Variants in MYO16 observed in about 807,000 individuals in gnomAD.
The protein encoded by MYO16 is unconventional myosin-XVI.
In MYO16, 94 loss-of-function variants were observed where a neutral mutation model predicts 205.3. The ratio of observed to expected loss-of-function variants is 0.46; its 90% CI spans 0.39 to 0.54. The LOEUF is 0.54. Ranked by LOEUF, MYO16 falls within the 20% of genes least tolerant of loss-of-function variation. The pLI, the probability that MYO16 is intolerant of heterozygous loss-of-function variation, is 0.00. For synonymous variants in MYO16, 988 were observed against 954.0 expected, an observed-to-expected ratio of 1.04 and a Z score of -0.66; for missense variants, 2,315 against 2,387.5, an observed-to-expected ratio of 0.97 and a Z score of 0.63.
At chr13:108,990,225 T>G (rs1007524431) in intron 20 of MYO16, among the ~76,000 whole-genome samples, 2 of 151,830 alleles carry the variant, frequency 1.3e-5, no homozygotes, top group Non-Finnish European at 2.9e-5. Context: ...TCAGCATCAT[T>G]GTTAGCACTG....
At chr13:109,007,413 A>G (rs1320376853) in intron 21 of MYO16, among the ~76,000 whole-genome samples, 1 of 152,058 alleles carries the variant, frequency 6.6e-6, no homozygotes, top group Non-Finnish European at 1.5e-5. Context: ...AAAAAAAGAA[A>G]TGTGCACATT....
intron 11 of MYO16, among the ~76,000 whole-genome samples, chr13:108,858,242 G>C (rs1025825339): frequency 6.6e-6 from 1 of 152,118 alleles, no homozygotes; most frequent in African/African-American, 2.4e-5. Flanking sequence ...TTTGAACTTC[G>C]TATGTCTTTT....
At chr13:108,690,555 C>T (rs1349861492) in intron 2 of MYO16, among the ~76,000 whole-genome samples, 1 of 151,720 alleles carries the variant, frequency 6.6e-6, no homozygotes, top group Non-Finnish European at 1.5e-5. Context: ...AACTGACTTC[C>T]AGAAGGGCAA....
At chr13:108,608,463 C>T (rs1242541877) in intron 1 of MYO16, among the ~76,000 whole-genome samples, 6 of 152,154 alleles carry the variant, frequency 3.9e-5, no homozygotes, top group Non-Finnish European at 8.8e-5. Context: ...TTCCTTGCAC[C>T]CCACAGCTAA....
At chr13:109,002,466 T>C (rs1411495768) in intron 21 of MYO16, among the ~76,000 whole-genome samples, 1 of 152,190 alleles carries the variant, frequency 6.6e-6, no homozygotes, top group African/African-American at 2.4e-5. Context: ...TTTTTATTAG[T>C]AAACCACTTA....
chr13:108,666,301 A>T, intron 2 of MYO16, 152 bp downstream of exon 2: 1 of 896,324 alleles, frequency 1.1e-6, no homozygotes, highest in South Asian at 2.1e-5. Context: ...TTATTCAAGA[A>T]AAAAATGCTC....
intron 9 of MYO16, among the ~76,000 whole-genome samples, chr13:108,830,628 G>A (rs1049010316): frequency 1.7e-5 from 2 of 119,792 alleles, no homozygotes; most frequent in East Asian, 6.3e-4. Context: ...GGGGAGGGGG[G>A]AGGGATAGTA....
intron 2 of MYO16, among the ~76,000 whole-genome samples, chr13:108,712,025 CTG>C (rs1293466808): frequency 6.6e-6 from 1 of 152,200 alleles, no homozygotes; most frequent in African/African-American, 2.4e-5. Flanking sequence ...TCTTAATACT[CTG>C]TGGCATTCTG....
the MYO16 span, among the ~76,000 whole-genome samples, chr13:108,518,012 C>T: frequency 1.3e-5 from 2 of 152,166 alleles, no homozygotes; most frequent in African/African-American, 4.8e-5. Context: ...GCCTCACCTC[C>T]TAATGTTATC....
intron 27 of MYO16, among the ~76,000 whole-genome samples, chr13:109,069,164 AT>A (rs1187987865): frequency 1.3e-5 from 2 of 152,226 alleles, no homozygotes; most frequent in Admixed American, 1.3e-4. Flanking sequence ...GTCTGCTTCC[AT>A]TATTAAGTTC....
intron 2 of MYO16, among the ~76,000 whole-genome samples, chr13:108,701,663 C>G (rs542640383): frequency 3.3e-5 from 5 of 151,854 alleles, no homozygotes; most frequent in South Asian, 4.2e-4. Flanking sequence ...ATGAGATATT[C>G]AAATAAACAA....
rs936075198 is a variant in MYO16 at position 108,999,120 on chromosome 13, T to C, written c.2442+6672T>C. ...ATGTTTAAATGGGTAATGGTTGCTA[T>C]ATTAGTCTAAGTATGGGACAGGATC... On this transcript the variant is annotated intron_variant, in intron 21 of 34. Transcript: ENST00000457511. Among the ~76,000 whole-genome samples, 9 of 152,346 alleles carry C rather than the reference T, an allele frequency of 5.9e-5. No homozygotes were observed. The East Asian group carries it at 1.5e-3, about 26-fold the overall frequency.
chr13:109,000,186 C>G (rs1378821325), intron 21 of MYO16, among the ~76,000 whole-genome samples: 1 of 152,112 alleles, frequency 6.6e-6, no homozygotes, highest in Non-Finnish European at 1.5e-5. Flanking sequence ...TTGTGGCTGT[C>G]CAGCTATAAA....
rs761963188 is a variant in MYO16 at position 109,141,074 on chromosome 13, C to T, written c.4862C>T (p.Pro1621Leu). 4.3e-5 allele frequency: 63 copies of T among 1,450,158 alleles called. No individual in the cohort carries two copies. Among genetic ancestry groups the T allele is most frequent in the Non-Finnish European group, 5.5e-5 (61 of 1,102,680 alleles). The allele number at this position is 1,450,158 out of a possible 1,614,324, so 89.8% of individuals were successfully genotyped here. Residue 1621 changes from proline (P) to leucine (L), a missense_variant, in exon 32 of 35, where the codon CCC becomes CTC. Physicochemically the swap from Pro to Leu is moderately conservative, Grantham distance 98. Coordinates refer to ENST00000457511, the MANE Select transcript of MYO16 (RefSeq NM_001198950.3). The surrounding 1 kb of genome is among the most constrained non-coding windows in gnomAD (Gnocchi z 4.1). ...GCGCACTTGGCCTTCCCGCCGGAGCCCGCCCCGGTGAACGCGGGGAAAGCG... is the reference window on the plus strand; with the variant it reads ...GCGCACTTGGCCTTCCCGCCGGAGCTCGCCCCGGTGAACGCGGGGAAAGCG... ...PCAHLAFPPE[P>L]APVNAGKAGP...
the MYO16 span, among the ~76,000 whole-genome samples, chr13:108,506,572 A>ATG: frequency 3.6e-4 from 55 of 151,298 alleles, no homozygotes; most frequent in South Asian, 1.3e-3. Context: ...GTATGTGTGT[A>ATG]TGTGTGTGTG....
At chr13:108,746,033 C>CAAA (rs61045585) in intron 4 of MYO16, among the ~76,000 whole-genome samples, 3 of 148,984 alleles carry the variant, frequency 2.0e-5, no homozygotes, top group African/African-American at 7.4e-5. Flanking sequence ...TAAAAAAATA[C>CAAA]AAAAAAAAAA....
rs747134946 is a variant in MYO16, at chr13:108,897,996, A to ATTT, written c.1660-20_1660-19insTTT. 6.4e-7 allele frequency: 1 copy of ATTT among 1,554,738 alleles called. No homozygotes were observed. The highest frequency in any genetic ancestry group is 8.9e-7 in the Non-Finnish European group (1 of 1,126,170). On this transcript the variant is annotated intron_variant, in intron 14 of 34. Transcript: ENST00000457511. Reference sequence around the variant, plus strand: ...TCTTAAAATATGAGCAGTTCAGTAAAATGTTCTCCTCTCCCACAGGTCGTG... The same window carrying ATTT: ...TCTTAAAATATGAGCAGTTCAGTAAATTTATGTTCTCCTCTCCCACAGGTCGTG...
intron 20 of MYO16, among the ~76,000 whole-genome samples, chr13:108,987,898 C>T (rs751317886): frequency 4.6e-5 from 7 of 152,184 alleles, no homozygotes; most frequent in Non-Finnish European, 7.3e-5. Flanking sequence ...AGTCCTTTCT[C>T]CACTCTATAT....
the MYO16 span, among the ~76,000 whole-genome samples, chr13:108,590,317 T>C: frequency 1.3e-5 from 2 of 152,124 alleles, no homozygotes; most frequent in South Asian, 2.1e-4. Flanking sequence ...TTTTAAAGAG[T>C]AGTAATGCCT....
Sources: allele counts gnomAD v4.1 joint callset (sites outside exome capture counted in the v4.1 genomes callset), GRCh38; gene constraint gnomAD v4.1.1; non-coding constraint Gnocchi (gnomAD v3.1); transcripts MANE v1.5; gene names NCBI Gene and HGNC (gene_info 2026-07-23, HGNC 2026-07-21).